VEPH1: variants seen among roughly 807,000 people sequenced by gnomAD.
VEPH1 encodes ventricular zone-expressed PH domain-containing protein homolog 1.
VEPH1 carries 80 observed loss-of-function variants against 85.2 expected under a neutral mutation model. That is an observed-to-expected ratio of 0.94 (90% CI 0.78 to 1.13). The LOEUF is 1.13. Among genes scored for constraint, VEPH1 ranks in the 50% most tolerant of loss-of-function variants. The probability of loss-of-function intolerance (pLI) is 0.00; values close to 1 mark genes in which losing one functional copy is unlikely to be tolerated. For missense variants in VEPH1, 955 were observed against 980.5 expected, an observed-to-expected ratio of 0.97 and a Z score of 0.35; for synonymous variants, 297 against 348.0, an observed-to-expected ratio of 0.85 and a Z score of 1.63.
At chr3:157,264,391 C>T (rs570255741) in intron 13 of VEPH1, among the ~76,000 whole-genome samples, 1 of 152,306 alleles carries the variant, frequency 6.6e-6, no homozygotes, top group East Asian at 1.9e-4. Context: ...CACAGCATAT[C>T]ATGGAACTTC....
At chr3:157,437,847 G>C in intron 4 of VEPH1, 1 of 1,497,400 alleles carries the variant, frequency 6.7e-7, no homozygotes, top group Non-Finnish European at 8.8e-7. Context: ...TGCTAGAGGA[G>C]CTGCGGCAGA....
At chr3:157,445,589 C>CCAGCCTGGCAACAGAG (rs375049672) in intron 4 of VEPH1, among the ~76,000 whole-genome samples, 5 of 152,086 alleles carry the variant, frequency 3.3e-5, no homozygotes, top group African/African-American at 1.2e-4. Context: ...GCACTGCACT[C>CCAGCCTGGCAACAGAG]CAGCCTGGCA....
chr3:157,261,939 A>G (rs1308401946), intron 13 of VEPH1, among the ~76,000 whole-genome samples: 1 of 152,212 alleles, frequency 6.6e-6, no homozygotes, highest in African/African-American at 2.4e-5. Flanking sequence ...AAGGACCTCT[A>G]CAATACCAAA....
At chr3:157,281,254 A>G (rs1716077764) in intron 12 of VEPH1, among the ~76,000 whole-genome samples, 2 of 152,068 alleles carry the variant, frequency 1.3e-5, no homozygotes, top group African/African-American at 4.8e-5. Context: ...GAAAAGGAAG[A>G]TTTCAAGATA....
rs765895036 is a variant in VEPH1, at chr3:157,313,741, T to A, written c.1890A>T (p.Glu630Asp). 126 of 1,613,880 alleles carry A rather than the reference T, an allele frequency of 7.8e-5. 1 individual carries two copies. In the South Asian group the frequency reaches 1.3e-3, roughly 17 times the overall value. Residue 630 changes from glutamate (E) to aspartate (D), a missense_variant, in exon 11 of 14, where the codon GAA becomes GAT. By Grantham distance (45) the Glu-to-Asp change is conservative. Transcript: ENST00000362010. ...MFLFQQSLFP[E>D]PLSIQSHSVQ... Reference sequence around the variant, plus strand: ...CAGAATGACTCTGAATGGACAGGGGTTCAGGAAACAGGCTCTGAAAGGGCA... The same window carrying A: ...CAGAATGACTCTGAATGGACAGGGGATCAGGAAACAGGCTCTGAAAGGGCA...
intron 4 of VEPH1, among the ~76,000 whole-genome samples, chr3:157,447,019 A>G (rs1469276175): frequency 1.3e-5 from 2 of 152,262 alleles, no homozygotes; most frequent in Non-Finnish European, 1.5e-5. Context: ...TTTATAAACC[A>G]TGAAGTTATA....
At chr3:157,460,483 C>T (rs1358140546) in intron 3 of VEPH1, 128 bp from the exon 4 acceptor site, 2 of 1,211,364 alleles carry the variant, frequency 1.7e-6, no homozygotes, top group East Asian at 5.1e-5. Flanking sequence ...CAGGCCTTGC[C>T]CTGTTTATAT....
chr3:157,357,832 CA>C (rs1725617257), intron 9 of VEPH1, among the ~76,000 whole-genome samples: 1 of 152,050 alleles, frequency 6.6e-6, no homozygotes, highest in African/African-American at 2.4e-5. Flanking sequence ...TTTAAATGTG[CA>C]AAGGAAACCA....
chr3:157,413,566 C>T (rs1019934358), intron 6 of VEPH1: 1 of 985,346 alleles, frequency 1.0e-6, no homozygotes, highest in Non-Finnish European at 1.2e-6. Context: ...CATTTTAACC[C>T]TCCTTCTTCA....
chr3:157,304,038 T>TATATATATATATATATATACACACACAC lies in VEPH1; in HGVS notation c.2010+9582_2010+9583insGTGTGTGTGTATATATATATATATATAT. 3.4e-3 allele frequency among the ~76,000 whole-genome samples: 334 copies of TATATATATATATATATATACACACACAC among 96,840 alleles called. 6 individuals carry two copies. The highest frequency in any genetic ancestry group is 0.01 in the African/African-American group (328 of 32,630). The allele number at this position is 96,840 out of a possible 152,430, so 63.5% of individuals were successfully genotyped here. On this transcript the variant is annotated intron_variant, in intron 11 of 13. Coordinates refer to ENST00000362010, the MANE Select transcript of VEPH1 (RefSeq NM_001167912.2). ...CTTATATTTTTTATATATATATATA[T>TATATATATATATATATATACACACACAC]ACACACATACTGTTACATCTTATAT...
intron 13 of VEPH1, among the ~76,000 whole-genome samples, 186 bp from the exon 14 acceptor site, chr3:157,261,556 G>A (rs1170556954): frequency 6.6e-6 from 1 of 152,096 alleles, no homozygotes; most frequent in East Asian, 1.9e-4. Context: ...TTGGGCCTTT[G>A]TTAGAGTATC....
At chr3:157,460,122 T>A in intron 4 of VEPH1, 59 bp downstream of exon 4, 1 of 1,613,984 alleles carries the variant, frequency 6.2e-7, no homozygotes. Flanking sequence ...AAATGCTTGA[T>A]GAAAATACTT....
intron 12 of VEPH1, among the ~76,000 whole-genome samples, chr3:157,271,072 C>T (rs1158669731): frequency 6.6e-6 from 1 of 152,128 alleles, no homozygotes; most frequent in Non-Finnish European, 1.5e-5. Context: ...GAAGAATCAG[C>T]AAACTCAGAA....
intron 2 of VEPH1, among the ~76,000 whole-genome samples, chr3:157,477,588 A>G (rs1737606810): frequency 1.3e-5 from 2 of 152,252 alleles, no homozygotes; most frequent in African/African-American, 4.8e-5. Context: ...CAAAGTATAA[A>G]CATCTTTTTT....
At chr3:157,449,812 T>G (rs1734820994) in intron 4 of VEPH1, among the ~76,000 whole-genome samples, 2 of 152,098 alleles carry the variant, frequency 1.3e-5, no homozygotes, top group Admixed American at 1.3e-4. Flanking sequence ...CACGGTGTAT[T>G]TCTCCATTTT....
chr3:157,288,034 G>C (rs1036128769), intron 11 of VEPH1, among the ~76,000 whole-genome samples: 2 of 152,210 alleles, frequency 1.3e-5, no homozygotes, highest in African/African-American at 4.8e-5. Context: ...GGGCAGAGAG[G>C]TTCTGTTAGA....
intron 4 of VEPH1, chr3:157,437,384 G>T (rs1733685176): frequency 1.8e-6 from 2 of 1,128,544 alleles, no homozygotes; most frequent in Non-Finnish European, 1.3e-6. Flanking sequence ...TTTCGGAGGT[G>T]TCCTTAAAGG....
intron 12 of VEPH1, 137 bp downstream of exon 12, chr3:157,286,420 A>G (rs1339530027): frequency 6.8e-6 from 5 of 736,962 alleles, no homozygotes; most frequent in Non-Finnish European, 1.2e-5. Flanking sequence ...TCTCAGCACA[A>G]AGCAGGGACA....
At chr3:157,487,355 G>C (rs1220099942) in intron 2 of VEPH1, among the ~76,000 whole-genome samples, 1 of 152,020 alleles carries the variant, frequency 6.6e-6, no homozygotes, top group Non-Finnish European at 1.5e-5. Flanking sequence ...ATATAAAATT[G>C]CTTAGAAAAT....
Sources: gnomAD v4.1 joint callset for allele counts (sites outside exome capture counted in the v4.1 genomes callset) on GRCh38, gnomAD v4.1.1 for gene constraint, MANE v1.5 for transcripts, NCBI Gene and HGNC (gene_info 2026-07-23, HGNC 2026-07-21) for gene names.